The following NOC2L variants were observed in gnomAD, a reference collection of about 807,000 sequenced individuals.
NOC2L encodes NOC2 like nucleolar associated transcriptional repressor.
In NOC2L, 101 loss-of-function variants were observed where a neutral mutation model predicts 94.2. The observed-to-expected ratio is 1.07, with a 90% CI of 0.91 to 1.26. NOC2L has a LOEUF of 1.26. Ranked by LOEUF, NOC2L falls within the 50% of genes most tolerant of loss-of-function variation. NOC2L has a pLI of 0.00. For synonymous variants in NOC2L, 531 were observed against 413.4 expected (o/e 1.28, Z -3.45); for missense variants, 1,076 against 980.1 (o/e 1.10, Z -1.31).
At chr1:944,857 T>C in intron 18 of NOC2L, 57 bp from the exon 19 acceptor site, 1 of 1,362,484 alleles carries the variant, frequency 7.3e-7, no homozygotes, top group East Asian at 2.3e-5. Context: ...AAGCCAGCCT[T>C]AGAGGTTACT....
At chr1:946,575 C>A in intron 14 of NOC2L, 30 bp from the exon 15 acceptor site, 1 of 1,604,366 alleles carries the variant, frequency 6.2e-7, no homozygotes. Flanking sequence ...GCCACTGAAG[C>A]CCAGGACCGC....
chr1:944,993 G>A (rs775358660), intron 18 of NOC2L, 64 bp downstream of exon 18: 31 of 1,607,672 alleles, frequency 1.9e-5, no homozygotes, highest in African/African-American at 8.0e-5. Flanking sequence ...CCCCGCCCAC[G>A]TGGCTCTGCC....
rs1478484850 is a variant in NOC2L at position 948,472 on chromosome 1, C to G, written c.1557+18G>C. ...CCCTGGGAACTGCCCAGGCCCCTCCCCAGGAGGCCAGCCTCACCCGGTACG... is the reference window on the plus strand; with the variant it reads ...CCCTGGGAACTGCCCAGGCCCCTCCGCAGGAGGCCAGCCTCACCCGGTACG... On this transcript the variant is annotated intron_variant, in intron 13 of 18. Transcript: ENST00000327044. 6.3e-7 allele frequency: 1 copy of G among 1,593,202 alleles called. No individual in the cohort carries two copies. The highest frequency in any genetic ancestry group is 1.7e-5 in the Admixed American group (1 of 59,974).
Position 955,995 on chromosome 1 carries a change from G to GT in NOC2L, c.625dup (p.Thr209AsnfsTer23). Reference sequence around the variant, plus strand: ...GCCAATGAGGTCTCTGATGCAGAAGGTAACCAGAGCATTGAATGCTGCAAC... The same window carrying GT: ...GCCAATGAGGTCTCTGATGCAGAAGGTTAACCAGAGCATTGAATGCTGCAAC... On this transcript the variant is annotated frameshift_variant, in exon 6 of 19. Coordinates refer to ENST00000327044, the MANE Select transcript of NOC2L (RefSeq NM_015658.4). LOFTEE classifies it high-confidence loss of function. 6.2e-7 allele frequency: 1 copy of GT among 1,614,024 alleles called. No individual in the cohort carries two copies. Among genetic ancestry groups the GT allele is most frequent in the Admixed American group, 1.7e-5 (1 of 60,018 alleles).
intron 4 of NOC2L, 42 bp from the exon 5 acceptor site, chr1:956,257 C>A: frequency 6.2e-7 from 1 of 1,606,160 alleles, no homozygotes; most frequent in Non-Finnish European, 8.5e-7. Context: ...GGAGCTGAGA[C>A]TGCACTTGGC....
intron 8 of NOC2L, 123 bp downstream of exon 8, chr1:953,659 G>T: frequency 1.3e-6 from 1 of 743,656 alleles, no homozygotes; most frequent in Non-Finnish European, 2.2e-6. Flanking sequence ...GGCCTCTCTA[G>T]CCAAGCGGAG....
chr1:944,423 T>C lies in NOC2L; in HGVS notation c.*271A>G. 2 of 1,092,124 alleles carry C rather than the reference T, an allele frequency of 1.8e-6. No individual in the cohort carries two copies. The highest frequency in any genetic ancestry group is 2.4e-6 in the Non-Finnish European group (2 of 819,412). 67.7% of individuals were successfully genotyped at this position (1,092,124 alleles called of 1,614,324 possible). ...GCAGGCCTCCCCCTGGAACTGGGACTGGTCTCGGTCTGCTGACGTCAGGGT... is the reference window on the plus strand; with the variant it reads ...GCAGGCCTCCCCCTGGAACTGGGACCGGTCTCGGTCTGCTGACGTCAGGGT... On this transcript the variant is annotated 3_prime_UTR_variant, in exon 19 of 19. Coordinates refer to ENST00000327044, the MANE Select transcript of NOC2L (RefSeq NM_015658.4).
chr1:950,654 G>A (rs1557618697), intron 12 of NOC2L, among the ~76,000 whole-genome samples: 2 of 74,334 alleles, frequency 2.7e-5, no homozygotes, highest in East Asian at 6.9e-4. Context: ...CACATGAACT[G>A]ATATGCACAC....
At chr1:953,707 A>G in intron 8 of NOC2L, 75 bp downstream of exon 8, 1 of 1,119,530 alleles carries the variant, frequency 8.9e-7, no homozygotes, top group South Asian at 1.3e-5. Flanking sequence ...CCTGGCCAGG[A>G]GTGGGATGTG....
rs775866400 is a variant in NOC2L at position 954,034 on chromosome 1, G to A, written c.747C>T (p.Asp249=). 1 of 1,608,356 alleles carries A rather than the reference G, an allele frequency of 6.2e-7. No homozygotes were observed. The highest frequency in any genetic ancestry group is 2.2e-5 in the East Asian group (1 of 44,764). The part of the protein sequence containing the change: ...SSPLWGKLRV[D]IKAYLGSAIQ... ...TGGCCGAGCCCAGGTAAGCCTTGAT[G>A]TCCACACGAAGCTTCCCCCAGAGCG... The change falls in exon 7 of 19, where the codon GAC becomes GAT. Residue 249 remains aspartate, a synonymous_variant. Transcript: ENST00000327044.
rs769695147 is a variant in NOC2L, at chr1:956,926, C to T, written c.454G>A (p.Ala152Thr). Residue 152 changes from alanine to threonine, a missense_variant, in exon 4 of 19, where the codon GCC becomes ACC. By Grantham distance (58) the Ala-to-Thr change is moderately conservative. Transcript: ENST00000327044. ...GCCTGCTTCCATCTCTCAACCATGG[C>T]GACGGTCACAGGAACAGAATTCTTC... ...GKKNSVPVTV[A>T]MVERWKQAAK... 2.3e-5 allele frequency: 37 copies of T among 1,613,964 alleles called. No homozygotes were observed. The highest frequency in any genetic ancestry group is 2.9e-5 in the Non-Finnish European group (34 of 1,180,050).
chr1:944,638 G>T lies in NOC2L; in HGVS notation c.*56C>A. ...GCCTCTAGGCCTGACTGCCAGGGAG[G>T]TGGAAACACTGGCCACCAGCCCGGC... On this transcript the variant is annotated 3_prime_UTR_variant, in exon 19 of 19. Coordinates refer to ENST00000327044, the MANE Select transcript of NOC2L (RefSeq NM_015658.4). 4.5e-6 allele frequency: 5 copies of T among 1,123,166 alleles called. No individual in the cohort carries two copies. Among genetic ancestry groups the T allele is most frequent in the Non-Finnish European group, 5.2e-6 (4 of 765,620 alleles). 69.6% of individuals were successfully genotyped at this position (1,123,166 alleles called of 1,614,324 possible). A position where few individuals can be genotyped will look rare whatever the true frequency, so the allele number is the denominator to read the frequency against.
Position 949,775 on chromosome 1 carries a change from C to G in NOC2L, c.1444-1172G>C, listed in dbSNP as rs78729032. ...GGCAATCAGAGACCACTGCTGGCTG[C>G]CATGGGAGTGAACATGGCTTCCTAA... On this transcript the variant is annotated intron_variant, in intron 12 of 18. Transcript: ENST00000327044. 5.4e-4 allele frequency among the ~76,000 whole-genome samples: 82 copies of G among 152,248 alleles called. No individual in the cohort carries two copies. In the East Asian group the frequency reaches 0.014, roughly 27 times the overall value.
Position 952,463 on chromosome 1 carries a change from G to A in NOC2L, c.1140C>T (p.Tyr380=), listed in dbSNP as rs1642285916. The change falls in exon 10 of 19, where the codon TAC becomes TAT. Residue 380 remains tyrosine, a synonymous_variant. Coordinates refer to ENST00000327044, the MANE Select transcript of NOC2L (RefSeq NM_015658.4). ...PGVAYQHAFL[Y]IRQLAIHLRN... ...GCAGGTGTATGGCGAGCTGGCGGAT[G>A]TAGAGGAAGGCGTGCTGGTAGGCCA... 1.2e-6 allele frequency: 2 copies of A among 1,613,868 alleles called. No homozygotes were observed. Among genetic ancestry groups the A allele is most frequent in the Non-Finnish European group, 1.7e-6 (2 of 1,180,028 alleles).
At position 946,169 on chromosome 1, in the gene NOC2L, G is replaced by A. The variant is rs1406352118; in HGVS notation, c.1917+4C>T. 10 of 1,602,290 alleles carry A rather than the reference G, an allele frequency of 6.2e-6. No individual in the cohort carries two copies. In the East Asian group the frequency reaches 1.1e-4, roughly 18 times the overall value. On this transcript the variant is annotated splice_donor_region_variant and intron_variant, in intron 16 of 18. Coordinates refer to ENST00000327044, the MANE Select transcript of NOC2L (RefSeq NM_015658.4). ...CACCCCCAGGTCCCCTCGCCGAGCC[G>A]CACCCGCTCTTTGCCACTGATCTCC...
At chr1:946,093 C>G in intron 16 of NOC2L, 80 bp downstream of exon 16, 1 of 1,086,550 alleles carries the variant, frequency 9.2e-7, no homozygotes, top group Non-Finnish European at 1.4e-6. Context: ...AAACCCTCGC[C>G]CTGGTCTCAA....
chr1:952,359 TG>T, intron 10 of NOC2L, 52 bp downstream of exon 10: 1 of 1,594,492 alleles, frequency 6.3e-7, no homozygotes, highest in East Asian at 2.2e-5. Context: ...GTCGGGCACC[TG>T]GGCTGCCCCA....
intron 12 of NOC2L, among the ~76,000 whole-genome samples, chr1:949,421 C>T (rs906395740): frequency 2.6e-5 from 4 of 152,202 alleles, no homozygotes; most frequent in Admixed American, 2.6e-4. Flanking sequence ...CACTGCCCTT[C>T]TCTAGCCTGG....
chr1:957,914 C>T (rs1303574376), intron 2 of NOC2L: 1 of 154,590 alleles, frequency 6.5e-6, no homozygotes, highest in Non-Finnish European at 1.4e-5. Context: ...CCACGTTTAC[C>T]TCTGTACTCT....
Sources: allele counts gnomAD v4.1 joint callset (sites outside exome capture counted in the v4.1 genomes callset), GRCh38; gene constraint gnomAD v4.1.1; transcripts MANE v1.5; gene names NCBI Gene and HGNC (gene_info 2026-07-23, HGNC 2026-07-21).